The following SPECC1 variants were observed in gnomAD, a reference collection of about 807,000 sequenced individuals.
SPECC1 encodes cytospin-B.
A neutral mutation model predicts 104.1 loss-of-function variants in SPECC1; 62 were observed. That is an observed-to-expected ratio of 0.60 (90% CI 0.49 to 0.74). SPECC1 has a LOEUF of 0.74. SPECC1 is among the 30% of genes least tolerant of loss of function. SPECC1 has a pLI of 0.00. For synonymous variants in SPECC1, 513 were observed against 501.6 expected (o/e 1.02, Z -0.30); for missense variants, 1,306 against 1,310.5 (o/e 1.00, Z 0.05).
intron 2 of SPECC1, among the ~76,000 whole-genome samples, chr17:20,099,817 T>C (rs1451989424): frequency 2.0e-5 from 3 of 151,624 alleles, no homozygotes; most frequent in African/African-American, 7.3e-5. Flanking sequence ...GATAGGTTCA[T>C]GTTTTGGAAA....
chr17:20,160,789 A>G (rs1476816909), intron 3 of SPECC1, among the ~76,000 whole-genome samples: 1 of 152,138 alleles, frequency 6.6e-6, no homozygotes, highest in Non-Finnish European at 1.5e-5. Flanking sequence ...TTGATTTGTT[A>G]GTTTTCAAGC....
chr17:20,232,064 G>A (rs1598044220), intron 6 of SPECC1, 136 bp from the exon 7 acceptor site: 1 of 1,065,760 alleles, frequency 9.4e-7, no homozygotes. Flanking sequence ...CTAGCAGTGA[G>A]CCACCGTGTA....
At chr17:20,236,755 C>T (rs1216111478) in intron 7 of SPECC1, 5 of 1,382,666 alleles carry the variant, frequency 3.6e-6, no homozygotes, top group Admixed American at 1.8e-5. Context: ...ATTAGCTTTT[C>T]CCTGTGGGAC....
At chr17:20,121,138 G>A (rs994816013) in intron 3 of SPECC1, among the ~76,000 whole-genome samples, 5 of 152,044 alleles carry the variant, frequency 3.3e-5, no homozygotes, top group Admixed American at 6.6e-5. Context: ...GCACTGTGCC[G>A]GCTTCTCTGA....
At chr17:20,141,961 C>T (rs2030858180) in intron 3 of SPECC1, among the ~76,000 whole-genome samples, 1 of 152,168 alleles carries the variant, frequency 6.6e-6, no homozygotes, top group Non-Finnish European at 1.5e-5. Context: ...ACCGAGTTGG[C>T]CTTTGGCTTA....
chr17:20,051,314 T>A (rs2045768413), intron 1 of SPECC1, among the ~76,000 whole-genome samples: 1 of 151,922 alleles, frequency 6.6e-6, no homozygotes, highest in Non-Finnish European at 1.5e-5. Context: ...TAGCTGGGGT[T>A]ACAGGGACCT....
At chr17:20,035,262 C>T (rs943046113) in intron 1 of SPECC1, among the ~76,000 whole-genome samples, 2 of 152,122 alleles carry the variant, frequency 1.3e-5, no homozygotes, top group South Asian at 2.1e-4. Flanking sequence ...TTTAGCTACT[C>T]TAGTTCCTTT....
chr17:20,187,717 A>T (rs749458047), intron 3 of SPECC1, among the ~76,000 whole-genome samples: 17 of 152,190 alleles, frequency 1.1e-4, no homozygotes, highest in Non-Finnish European at 2.2e-4. Flanking sequence ...TTTTTAACTC[A>T]CAGAAACCCA....
intron 3 of SPECC1, among the ~76,000 whole-genome samples, chr17:20,119,449 C>T (rs551332089): frequency 2.6e-5 from 4 of 152,336 alleles, no homozygotes; most frequent in East Asian, 1.9e-4. Context: ...TCAGGCTGGT[C>T]TTGAACTCCC....
chr17:20,016,150 G>A (rs1381459212), intron 1 of SPECC1, among the ~76,000 whole-genome samples: 5 of 150,876 alleles, frequency 3.3e-5, no homozygotes, highest in Non-Finnish European at 7.4e-5. Flanking sequence ...CCCGGGAGGC[G>A]GAGCTTGCAG....
At chr17:20,285,680 G>A (rs568150156) in intron 12 of SPECC1, among the ~76,000 whole-genome samples, 25 of 152,140 alleles carry the variant, frequency 1.6e-4, no homozygotes, top group African/African-American at 6.0e-4. Flanking sequence ...CCAAATGTTA[G>A]TGTTCAGAGT....
At chr17:20,030,194 T>C (rs1238111673) in intron 1 of SPECC1, among the ~76,000 whole-genome samples, 1 of 151,292 alleles carries the variant, frequency 6.6e-6, no homozygotes, top group African/African-American at 2.5e-5. Flanking sequence ...TTTTATTTAT[T>C]TTTTTACTGT....
At chr17:20,089,100 G>A (rs142245634) in intron 1 of SPECC1, among the ~76,000 whole-genome samples, 433 of 152,290 alleles carry the variant, frequency 2.8e-3, no homozygotes, top group Non-Finnish European at 5.1e-3. Flanking sequence ...GGACTCAGAC[G>A]GTGTGTAAGG....
intron 1 of SPECC1, among the ~76,000 whole-genome samples, chr17:20,023,031 A>G (rs1424810836): frequency 6.6e-6 from 1 of 152,204 alleles, no homozygotes; most frequent in Non-Finnish European, 1.5e-5. Flanking sequence ...AAACCAAACA[A>G]ACCCAAAAAA....
At chr17:20,312,711 G>T (rs1007746922) in intron 14 of SPECC1, among the ~76,000 whole-genome samples, 13 of 152,176 alleles carry the variant, frequency 8.5e-5, no homozygotes, top group African/African-American at 3.1e-4. Context: ...TTCTATTCTT[G>T]TATTCTGTGA....
intron 3 of SPECC1, among the ~76,000 whole-genome samples, chr17:20,114,425 T>C (rs1261541089): frequency 1.3e-5 from 2 of 152,068 alleles, no homozygotes; most frequent in Non-Finnish European, 2.9e-5. Flanking sequence ...CTACTGACCT[T>C]GTGATCCACC....
At chr17:20,215,828 ATTC>A (rs1257862455) in intron 4 of SPECC1, among the ~76,000 whole-genome samples, 1 of 152,198 alleles carries the variant, frequency 6.6e-6, no homozygotes, top group Non-Finnish European at 1.5e-5. Flanking sequence ...TACAGTCTCT[ATTC>A]TTATGGCTGC....
chr17:20,020,113 A>T (rs2044315023), intron 1 of SPECC1, among the ~76,000 whole-genome samples: 1 of 152,102 alleles, frequency 6.6e-6, no homozygotes, highest in Admixed American at 6.5e-5. Flanking sequence ...GCTGATTTTT[A>T]TTCTGTGTTG....
At chr17:20,174,560 G>T (rs2034326882) in intron 3 of SPECC1, among the ~76,000 whole-genome samples, 1 of 152,006 alleles carries the variant, frequency 6.6e-6, no homozygotes, top group African/African-American at 2.4e-5. Context: ...AGCTGGAATG[G>T]GCCTTCACCG....
Sources: gnomAD v4.1 joint callset for allele counts (sites outside exome capture counted in the v4.1 genomes callset) on GRCh38, gnomAD v4.1.1 for gene constraint, MANE v1.5 for transcripts, NCBI Gene and HGNC (gene_info 2026-07-23, HGNC 2026-07-21) for gene names.